ITGAM: variants seen among roughly 807,000 people sequenced by gnomAD.
ITGAM encodes the protein integrin subunit alpha M, also known as integrin alpha-M.
A neutral mutation model predicts 137.5 loss-of-function variants in ITGAM; 79 were observed. The ratio of observed to expected loss-of-function variants is 0.57; its 90% CI spans 0.48 to 0.69. The LOEUF (loss-of-function observed/expected upper bound fraction) is 0.69, where lower values mean the gene tolerates loss of function less well. ITGAM is among the 30% of genes least tolerant of loss of function. The pLI is 0.00. For synonymous variants in ITGAM, 583 were observed against 592.3 expected, an observed-to-expected ratio of 0.98 and a Z score of 0.23; for missense variants, 1,343 against 1,483.5, an observed-to-expected ratio of 0.91 and a Z score of 1.56.
chr16:31,273,343 G>T (rs2079872166), intron 7 of ITGAM, 22 bp from the exon 8 acceptor site: 3 of 1,582,732 alleles, frequency 1.9e-6, no homozygotes, highest in East Asian at 2.3e-5. Context: ...ATTTGACTTT[G>T]TCCCTCCTGT....
intron 14 of ITGAM, among the ~76,000 whole-genome samples, chr16:31,303,792 G>C (rs1419050853): frequency 6.6e-6 from 1 of 151,930 alleles, no homozygotes; most frequent in Non-Finnish European, 1.5e-5. Context: ...TTTATGGCTG[G>C]GTAGTACTCT....
chr16:31,267,781 T>C (rs921402335), intron 5 of ITGAM, among the ~76,000 whole-genome samples: 2 of 151,886 alleles, frequency 1.3e-5, no homozygotes, highest in Non-Finnish European at 2.9e-5. Context: ...GCCTCCAGAG[T>C]AGCTGGGATC....
chr16:31,295,188 A>G (rs570818522), intron 12 of ITGAM, among the ~76,000 whole-genome samples: 4 of 152,022 alleles, frequency 2.6e-5, no homozygotes, highest in Middle Eastern at 3.4e-3. Context: ...TTTTTTCTTG[A>G]GGATTGCTTT....
chr16:31,328,056 G>A, intron 22 of ITGAM, 91 bp from the exon 23 acceptor site: 2 of 956,448 alleles, frequency 2.1e-6, no homozygotes, highest in Non-Finnish European at 3.4e-6. Context: ...GAACTTGGTG[G>A]CTGATTGGAG....
Position 31,331,145 on chromosome 16 carries a change from GC to G in ITGAM, c.3277-16del. 1.5e-6 allele frequency: 2 copies of G among 1,349,676 alleles called. No individual in the cohort carries two copies. The highest frequency in any genetic ancestry group is 2.1e-6 in the Non-Finnish European group (2 of 943,512). The allele number at this position is 1,349,676 out of a possible 1,614,324, so 83.6% of individuals were successfully genotyped here. A position where few individuals can be genotyped will look rare whatever the true frequency, so the allele number is the denominator to read the frequency against. ...GAAATCCAGAGTCGTCTCCCCTGACGCCCCTCCTTCCTCCCCCAGACGGAGA... is the reference window on the plus strand; with the variant it reads ...GAAATCCAGAGTCGTCTCCCCTGACGCCCTCCTTCCTCCCCCAGACGGAGA... On this transcript the variant is annotated intron_variant, in intron 28 of 29. Transcript: ENST00000544665.
intron 29 of ITGAM, 117 bp from the exon 30 acceptor site, chr16:31,331,519 G>GC: frequency 5.5e-5 from 18 of 327,356 alleles, no homozygotes; most frequent in South Asian, 3.4e-4. Context: ...CTCCCCTCCC[G>GC]CCCCGCCCTC....
At chr16:31,266,397 ATG>A (rs2079768405) in intron 5 of ITGAM, among the ~76,000 whole-genome samples, 1 of 147,504 alleles carries the variant, frequency 6.8e-6, no homozygotes, top group African/African-American at 2.5e-5. Context: ...AGCCTGGGCA[ATG>A]TAGTGAGATC....
chr16:31,329,944 C>T (rs925945783), intron 25 of ITGAM, 39 bp downstream of exon 25: 2 of 1,538,328 alleles, frequency 1.3e-6, no homozygotes, highest in East Asian at 2.4e-5. Context: ...CGGCCCTGCG[C>T]GTTCCTCTCA....
intron 22 of ITGAM, among the ~76,000 whole-genome samples, chr16:31,327,423 CA>C (rs71151472): frequency 0.035 from 4,909 of 139,618 alleles, 269 homozygotes; most frequent in African/African-American, 0.12. Flanking sequence ...CCTGTTTCTA[CA>C]AAAAAAAAAA....
At chr16:31,283,853 G>T (rs974195825) in intron 12 of ITGAM, among the ~76,000 whole-genome samples, 7 of 152,270 alleles carry the variant, frequency 4.6e-5, no homozygotes, top group Non-Finnish European at 8.8e-5. Flanking sequence ...CCCCATCTTT[G>T]TGGTTTTATC....
chr16:31,266,501 G>T (rs895984855), intron 5 of ITGAM, among the ~76,000 whole-genome samples: 3 of 150,724 alleles, frequency 2.0e-5, no homozygotes, highest in South Asian at 2.1e-4. Flanking sequence ...TGGGAAGATT[G>T]CTTGAGGCCA....
Position 31,321,587 on chromosome 16 carries a change from C to T in ITGAM, c.1962C>T (p.Cys654=), listed in dbSNP as rs1426724174. 1 of 1,613,918 alleles carries T rather than the reference C, an allele frequency of 6.2e-7. No homozygotes were observed. The highest frequency in any genetic ancestry group is 1.1e-5 in the South Asian group (1 of 91,080). ...KGKEAGEVRV[C]LHVQKSTRDR... ...AGGAAGCCGGAGAGGTCAGAGTCTG[C>T]CTCCATGTCCAGAAGAGCACACGGG... Residue 654 remains cysteine, a synonymous_variant, in exon 16 of 30, where the codon TGC becomes TGT. Transcript: ENST00000544665.
chr16:31,331,906 T>A lies in ITGAM; in HGVS notation c.*199T>A. 1.8e-6 allele frequency: 1 copy of A among 569,636 alleles called. No homozygotes were observed. Among genetic ancestry groups the A allele is most frequent in the East Asian group, 3.1e-5 (1 of 32,510 alleles). The allele number at this position is 569,636 out of a possible 1,614,324, so 35.3% of individuals were successfully genotyped here. A position where few individuals can be genotyped will look rare whatever the true frequency, so the allele number is the denominator to read the frequency against. On this transcript the variant is annotated 3_prime_UTR_variant, in exon 30 of 30. Coordinates refer to ENST00000544665, the MANE Select transcript of ITGAM (RefSeq NM_000632.4). ...GCAAGTGTGTGCACATGTGTGCGTG[T>A]GCGTGCATGTGCACTTGCACGCCCA...
At chr16:31,313,087 G>T (rs946393435) in intron 14 of ITGAM, among the ~76,000 whole-genome samples, 2 of 151,766 alleles carry the variant, frequency 1.3e-5, no homozygotes, top group Non-Finnish European at 2.9e-5. Context: ...GCTTGGTGGC[G>T]TGTGCCTGTA....
chr16:31,261,117 G>A (rs2079693726), intron 1 of ITGAM, among the ~76,000 whole-genome samples: 1 of 152,122 alleles, frequency 6.6e-6, no homozygotes, highest in Non-Finnish European at 1.5e-5. Flanking sequence ...CTGGACCTGG[G>A]AGGCAGACAT....
intron 16 of ITGAM, among the ~76,000 whole-genome samples, chr16:31,323,568 TTAAAG>T (rs1429309311): frequency 6.6e-6 from 1 of 152,056 alleles, no homozygotes; most frequent in Non-Finnish European, 1.5e-5. Flanking sequence ...AGAAAAAAAT[TTAAAG>T]TAGTCAGAAA....
intron 6 of ITGAM, 102 bp downstream of exon 6, chr16:31,271,186 C>A: frequency 2.0e-6 from 2 of 997,686 alleles, no homozygotes; most frequent in East Asian, 2.9e-5. Flanking sequence ...GCAGACATTG[C>A]CAAATTGACG....
In ITGAM at chr16:31,275,599, C is replaced by T. The variant is rs374273074; in HGVS notation, c.909C>T (p.Ile303=). ...SEKSRQELNT[I]ASKPPRDHVF... is the part of the protein sequence containing the mutation. ...AATCCCGCCAAGAGCTTAATACCATCGCATCCAAGCCGCCTCGTGATCACG... is the reference window on the plus strand; with the variant it reads ...AATCCCGCCAAGAGCTTAATACCATTGCATCCAAGCCGCCTCGTGATCACG... The change falls in exon 9 of 30, where the codon ATC becomes ATT. Residue 303 remains isoleucine (I), a synonymous_variant. Coordinates refer to ENST00000544665, the MANE Select transcript of ITGAM (RefSeq NM_000632.4). The T allele has an allele frequency of 4.3e-6, 7 of 1,613,780 alleles. No homozygotes were observed. Among genetic ancestry groups the T allele is most frequent in the South Asian group, 2.2e-5 (2 of 91,084 alleles).
At position 31,331,875 on chromosome 16, in the gene ITGAM, C is replaced by G. The variant is rs4990418; in HGVS notation, c.*168C>G. 10 of 548,620 alleles carry G rather than the reference C, an allele frequency of 1.8e-5. No homozygotes were observed. The highest frequency in any genetic ancestry group is 2.9e-5 in the Non-Finnish European group (9 of 314,276). The allele number at this position is 548,620 out of a possible 1,614,324, so 34.0% of individuals were successfully genotyped here. A position where few individuals can be genotyped will look rare whatever the true frequency, so the allele number is the denominator to read the frequency against. ...TGTGTATGTGCGTGTGTGCAAGTGT[C>G]TGTGTGCAAGTGTGTGCACATGTGT... On this transcript the variant is annotated 3_prime_UTR_variant, in exon 30 of 30. Transcript: ENST00000544665.
Sources: allele counts gnomAD v4.1 joint callset (sites outside exome capture counted in the v4.1 genomes callset), GRCh38; gene constraint gnomAD v4.1.1; transcripts MANE v1.5; gene names NCBI Gene and HGNC (gene_info 2026-07-23, HGNC 2026-07-21).